CCSER1: variants seen among roughly 807,000 people sequenced by gnomAD.
CCSER1 encodes the protein serine-rich coiled-coil domain-containing protein 1.
In CCSER1, 41 loss-of-function variants were observed where a neutral mutation model predicts 82.0. The ratio of observed to expected loss-of-function variants is 0.50; its 90% CI spans 0.39 to 0.65. CCSER1 has a LOEUF of 0.65. Among genes scored for constraint, CCSER1 ranks in the 30% least tolerant of loss-of-function variants. The pLI is 0.00. For missense variants in CCSER1, 1,119 were observed against 1,064.2 expected (o/e 1.05, Z -0.72); for synonymous variants, 414 against 383.9 (o/e 1.08, Z -0.92).
At chr4:90,577,935 A>G (rs1433799642) in intron 5 of CCSER1, among the ~76,000 whole-genome samples, 1 of 152,072 alleles carries the variant, frequency 6.6e-6, no homozygotes, top group Non-Finnish European at 1.5e-5. Flanking sequence ...ATTAATATTT[A>G]TTGCCTTGTG....
intron 3 of CCSER1, among the ~76,000 whole-genome samples, chr4:90,333,330 T>C (rs1039356845): frequency 1.3e-5 from 2 of 152,040 alleles, no homozygotes; most frequent in African/African-American, 4.8e-5. Flanking sequence ...GACTCAACAG[T>C]TTTGATGATG....
At chr4:91,469,862 TAGA>T (rs776627271) in intron 10 of CCSER1, among the ~76,000 whole-genome samples, 16 of 152,186 alleles carry the variant, frequency 1.1e-4, no homozygotes, top group Admixed American at 2.6e-4. Context: ...GGTGCAATCA[TAGA>T]AGAAGTTTAG....
At chr4:90,617,492 T>G (rs17017283) in intron 5 of CCSER1, among the ~76,000 whole-genome samples, 6,352 of 152,112 alleles carry the variant, frequency 0.042, 435 homozygotes, top group African/African-American at 0.14. Flanking sequence ...AGCATAGAAA[T>G]AAAGAAACTG....
intron 10 of CCSER1, among the ~76,000 whole-genome samples, chr4:91,509,018 T>C (rs1322996754): frequency 6.6e-6 from 1 of 151,996 alleles, no homozygotes; most frequent in Admixed American, 6.6e-5. Flanking sequence ...AGTTAGTCAA[T>C]TTTATTAATC....
chr4:91,584,338 G>A (rs1337197954), intron 10 of CCSER1, among the ~76,000 whole-genome samples: 1 of 151,464 alleles, frequency 6.6e-6, no homozygotes, highest in East Asian at 1.9e-4. Flanking sequence ...CTATGAAGAG[G>A]CATGGTTTCT....
At chr4:91,234,337 A>C (rs1287169910) in intron 10 of CCSER1, among the ~76,000 whole-genome samples, 1 of 151,974 alleles carries the variant, frequency 6.6e-6, no homozygotes, top group African/African-American at 2.4e-5. Flanking sequence ...ATACTCATCA[A>C]TTTGCTTTTT....
intron 8 of CCSER1, among the ~76,000 whole-genome samples, chr4:90,875,769 C>T (rs557950075): frequency 3.9e-5 from 6 of 152,166 alleles, no homozygotes; most frequent in South Asian, 4.1e-4. Context: ...GCCATACTGC[C>T]GATTCAAAAG....
chr4:91,387,585 A>C (rs374241411), intron 10 of CCSER1, among the ~76,000 whole-genome samples: 5 of 152,202 alleles, frequency 3.3e-5, no homozygotes, highest in African/African-American at 1.2e-4. Context: ...TAATTTTGTG[A>C]GTAAGATTTC....
At chr4:90,366,520 A>C (rs1476286545) in intron 3 of CCSER1, among the ~76,000 whole-genome samples, 1 of 151,816 alleles carries the variant, frequency 6.6e-6, no homozygotes, top group Non-Finnish European at 1.5e-5. Context: ...TTTGAAATTT[A>C]GATTTTGAAA....
intron 1 of CCSER1, among the ~76,000 whole-genome samples, chr4:90,266,913 C>T (rs1258001581): frequency 1.3e-5 from 2 of 151,738 alleles, no homozygotes; most frequent in African/African-American, 2.4e-5. Context: ...AGCAAGTGGA[C>T]TTGGGGGCTA....
At chr4:91,176,443 T>C (rs189864390) in intron 10 of CCSER1, among the ~76,000 whole-genome samples, 2 of 152,364 alleles carry the variant, frequency 1.3e-5, no homozygotes, top group East Asian at 1.9e-4. Context: ...ATATTGATTC[T>C]TCCTATCCAT....
At chr4:91,508,181 C>CTTTTTTTTTTTTTTTTTTTTTTTT (rs1759624294) in intron 10 of CCSER1, among the ~76,000 whole-genome samples, 1 of 27,668 alleles carries the variant, frequency 3.6e-5, no homozygotes, top group African/African-American at 1.3e-4. Context: ...TTTTTTTTTC[C>CTTTTTTTTTTTTTTTTTTTTTTTT]TGATCTTGGA....
intron 10 of CCSER1, among the ~76,000 whole-genome samples, chr4:91,368,784 T>C (rs1209380034): frequency 6.6e-6 from 1 of 152,170 alleles, no homozygotes; most frequent in African/African-American, 2.4e-5. Context: ...TGCATTACTA[T>C]AAAGTTTACA....
intron 4 of CCSER1, among the ~76,000 whole-genome samples, chr4:90,433,844 A>G (rs1475749115): frequency 2.0e-5 from 3 of 151,042 alleles, no homozygotes; most frequent in African/African-American, 7.3e-5. Context: ...GAATGAATGG[A>G]TGTTCATAAT....
intron 10 of CCSER1, among the ~76,000 whole-genome samples, chr4:91,089,314 T>A (rs1561539502): frequency 1.3e-5 from 2 of 152,194 alleles, no homozygotes. Flanking sequence ...TGCTAGGTCA[T>A]GGGTTGAATT....
intron 10 of CCSER1, among the ~76,000 whole-genome samples, chr4:91,155,277 T>C (rs1406264285): frequency 1.3e-5 from 2 of 151,896 alleles, no homozygotes; most frequent in Non-Finnish European, 2.9e-5. Flanking sequence ...TGATACTGAA[T>C]GGTTTTATAA....
At chr4:90,487,998 T>TC (rs1767380412) in intron 5 of CCSER1, among the ~76,000 whole-genome samples, 1 of 152,108 alleles carries the variant, frequency 6.6e-6, no homozygotes, top group Non-Finnish European at 1.5e-5. Flanking sequence ...ATTGTCTTCT[T>TC]ATAAGGATTG....
intron 8 of CCSER1, among the ~76,000 whole-genome samples, chr4:90,868,776 T>C (rs1409668734): frequency 6.6e-6 from 1 of 152,082 alleles, no homozygotes; most frequent in Non-Finnish European, 1.5e-5. Context: ...TTGAGGAGCC[T>C]CCAAACTGTT....
In CCSER1 at chr4:90,440,463, G is replaced by A. The variant is rs553821074; in HGVS notation, c.1604-27771G>A. On this transcript the variant is annotated intron_variant, in intron 4 of 10. Coordinates refer to ENST00000509176, the MANE Select transcript of CCSER1 (RefSeq NM_001145065.2). ...GTAAGCTGTGTATGTATTCAGGGAG[G>A]TAAAGAAAGGCAATGGCTTAGGAGG... 2.0e-4 allele frequency among the ~76,000 whole-genome samples: 31 copies of A among 152,280 alleles called. No homozygotes were observed. In the South Asian group the frequency reaches 6.2e-3, roughly 31 times the overall value.
Sources: allele counts gnomAD v4.1 joint callset (sites outside exome capture counted in the v4.1 genomes callset), GRCh38; gene constraint gnomAD v4.1.1; transcripts MANE v1.5; gene names NCBI Gene and HGNC (gene_info 2026-07-23, HGNC 2026-07-21).